Variants in PPP1R16A observed in about 807,000 individuals in gnomAD.
The protein encoded by PPP1R16A is protein phosphatase 1 regulatory subunit 16A, also known as myosin phosphatase-targeting subunit 3.
In PPP1R16A, 39 loss-of-function variants were observed where a neutral mutation model predicts 46.6. The ratio of observed to expected loss-of-function variants is 0.84; its 90% CI spans 0.65 to 1.09. PPP1R16A has a LOEUF of 1.09. PPP1R16A is among the 50% of genes least tolerant of loss of function. PPP1R16A has a pLI of 0.00. For synonymous variants in PPP1R16A, 413 were observed against 321.5 expected (o/e 1.28, Z -3.04); for missense variants, 798 against 735.6 (o/e 1.08, Z -0.98).
chr8:144,485,945 C>T (rs574071443), intron 1 of PPP1R16A, among the ~76,000 whole-genome samples: 11 of 152,212 alleles, frequency 7.2e-5, no homozygotes, highest in South Asian at 2.1e-4. Flanking sequence ...AGGGTGTGGG[C>T]GTTGAGGTCG....
rs373097107 is a variant in PPP1R16A, at chr8:144,501,778, G to A, written c.1462G>A (p.Gly488Ser). ...SPETAEPGLP[G>S]DTVTPQPDCG... ...TGAGACAGCTGAGCCTGGCCTGCCTGGTGACACGGTGACCCCCCAGCCTGA... is the reference window on the plus strand; with the variant it reads ...TGAGACAGCTGAGCCTGGCCTGCCTAGTGACACGGTGACCCCCCAGCCTGA... The change falls in exon 12 of 12, where the codon GGT becomes AGT. Residue 488 changes from glycine (G) to serine (S), a missense_variant. Gly to Ser is a moderately conservative substitution (Grantham distance 56). Coordinates refer to ENST00000435887, the MANE Select transcript of PPP1R16A (RefSeq NM_001329443.2). 3.8e-6 allele frequency: 6 copies of A among 1,561,090 alleles called. No individual in the cohort carries two copies. Among genetic ancestry groups the A allele is most frequent in the Middle Eastern group, 1.7e-4 (1 of 5,774 alleles).
chr8:144,500,391 G>A lies in PPP1R16A; in HGVS notation c.705G>A (p.Leu235=), dbSNP rs1251117214. The A allele has an allele frequency of 1.2e-5, 18 of 1,525,794 alleles. No homozygotes were observed. Among genetic ancestry groups the A allele is most frequent in the Non-Finnish European group, 1.5e-5 (17 of 1,141,758 alleles). The allele number at this position is 1,525,794 out of a possible 1,614,324, so 94.5% of individuals were successfully genotyped here. A position where few individuals can be genotyped will look rare whatever the true frequency, so the allele number is the denominator to read the frequency against. Residue 235 remains leucine (L), a splice_region_variant and synonymous_variant, in exon 7 of 12, where the codon CTG becomes CTA. Transcript: ENST00000435887. ...CCCCCCTGGACCACGGGGCCACGCT[G>A]GTGAGGGCTGGGGGGTGAGGGGCAC... ...LHAPLDHGAT[L]LHVAAANGFS...
Position 144,501,638 on chromosome 8 carries a change from G to GCACCAC in PPP1R16A, c.1324_1329dup (p.Thr442_Thr443dup). On this transcript the variant is annotated inframe_insertion, in exon 12 of 12. Coordinates refer to ENST00000435887, the MANE Select transcript of PPP1R16A (RefSeq NM_001329443.2). ...TCCTACCAGCTGAGCCCCCTGGACA[G>GCACCAC]CACCACCCCCCACACCCTGGTCCAC... is the stretch of plus-strand genomic sequence containing the variant. 6.2e-7 allele frequency: 1 copy of GCACCAC among 1,611,076 alleles called. No individual in the cohort carries two copies.
chr8:144,499,921 C>T, intron 5 of PPP1R16A, 175 bp from the exon 6 acceptor site: 1 of 623,056 alleles, frequency 1.6e-6, no homozygotes, highest in Non-Finnish European at 2.8e-6. Context: ...GGCTTAATGA[C>T]AGGATCTAGG....
chr8:144,485,170 C>T lies in PPP1R16A; in HGVS notation c.-913-4864C>T, dbSNP rs1475395037. On this transcript the variant is annotated intron_variant, in intron 1 of 11. Transcript: ENST00000435887. ...TAGTGAGGAGGACATGTGGGACAGG[C>T]TCAAGGATTGACAAAAGAACCAGTA... is the stretch of plus-strand genomic sequence containing the variant. Among the ~76,000 whole-genome samples the T allele has an allele frequency of 4.8e-5, 6 of 124,342 alleles. No homozygotes were observed. The East Asian group carries it at 1.5e-3, about 31-fold the overall frequency. 81.6% of individuals were successfully genotyped at this position (124,342 alleles called of 152,430 possible). A position where few individuals can be genotyped will look rare whatever the true frequency, so the allele number is the denominator to read the frequency against.
intron 2 of PPP1R16A, 86 bp from the exon 3 acceptor site, chr8:144,496,375 C>T (rs1826067671): frequency 6.5e-6 from 1 of 152,726 alleles, no homozygotes; most frequent in Admixed American, 6.5e-5. Context: ...GAAGCCTGGT[C>T]TCACCTGAGG....
intron 1 of PPP1R16A, among the ~76,000 whole-genome samples, chr8:144,483,211 G>A (rs1825507700): frequency 6.6e-6 from 1 of 152,194 alleles, no homozygotes; most frequent in Non-Finnish European, 1.5e-5. Context: ...TACAGAACCA[G>A]GCAGTGTGTG....
chr8:144,495,035 T>C (rs1825990422), intron 2 of PPP1R16A, among the ~76,000 whole-genome samples: 3 of 152,296 alleles, frequency 2.0e-5, no homozygotes, highest in Middle Eastern at 3.4e-3. Context: ...TGGCCAGGCT[T>C]AGGAGCAGGC....
At chr8:144,488,125 A>G (rs953900628) in intron 1 of PPP1R16A, among the ~76,000 whole-genome samples, 20 of 152,186 alleles carry the variant, frequency 1.3e-4, no homozygotes, top group Middle Eastern at 3.4e-3. Context: ...CTGTCTTTCC[A>G]GGGAATTTGC....
chr8:144,500,713 C>T lies in PPP1R16A; in HGVS notation c.859C>T (p.His287Tyr), dbSNP rs1164426459. 6.2e-7 allele frequency: 1 copy of T among 1,611,576 alleles called. No individual in the cohort carries two copies. Among genetic ancestry groups the T allele is most frequent in the African/African-American group, 1.3e-5 (1 of 74,908 alleles). Residue 287 changes from histidine to tyrosine, a missense_variant, in exon 9 of 12, where the codon CAC becomes TAC. By Grantham distance (83) the His-to-Tyr change is moderately conservative. Coordinates refer to ENST00000435887, the MANE Select transcript of PPP1R16A (RefSeq NM_001329443.2). ...QVPLVELLVA[H>Y]GADLNAKSLM... ...GCCCCTGGTGGAGCTGCTCGTGGCG[C>T]ACGGGGCCGACCTGAACGCAAAGTC...
intron 2 of PPP1R16A, among the ~76,000 whole-genome samples, chr8:144,494,589 G>A (rs1485647078): frequency 6.6e-6 from 1 of 152,194 alleles, no homozygotes; most frequent in African/African-American, 2.4e-5. Flanking sequence ...ATGAGCCACT[G>A]TTCCCTGACG....
At position 144,501,291 on chromosome 8, in the gene PPP1R16A, G is replaced by A. The variant is rs1034341557; in HGVS notation, c.1200G>A (p.Pro400=). The A allele has an allele frequency of 8.9e-6, 14 of 1,580,382 alleles. No homozygotes were observed. The highest frequency in any genetic ancestry group is 1.2e-5 in the Non-Finnish European group (14 of 1,168,860). Residue 400 remains proline (P), a synonymous_variant, in exon 11 of 12, where the codon CCG becomes CCA. Coordinates refer to ENST00000435887, the MANE Select transcript of PPP1R16A (RefSeq NM_001329443.2). The part of the protein sequence containing the change: ...QTGAELRPPP[P]EEDNPEVVRP... Reference sequence around the variant, plus strand: ...GCGCAGAGCTCAGGCCGCCGCCCCCGGAGGTGAGCGCCCCGTCCCTGCTCC... The same window carrying A: ...GCGCAGAGCTCAGGCCGCCGCCCCCAGAGGTGAGCGCCCCGTCCCTGCTCC...
Position 144,502,075 on chromosome 8 carries a change from A to T in PPP1R16A, c.*172A>T. On this transcript the variant is annotated 3_prime_UTR_variant, in exon 12 of 12. Transcript: ENST00000435887. ...CCTGGAGGGATGTCTGGCTGCAAAG[A>T]CTATTTTTATCCTGCAACTCTTGAT... The T allele has an allele frequency of 1.6e-6, 1 of 618,952 alleles. No individual in the cohort carries two copies. Among genetic ancestry groups the T allele is most frequent in the South Asian group, 2.7e-5 (1 of 37,296 alleles). 38.3% of individuals were successfully genotyped at this position (618,952 alleles called of 1,614,324 possible).
chr8:144,501,548 A>G lies in PPP1R16A; in HGVS notation c.1232A>G (p.His411Arg). Reference protein sequence around the residue: ...EEDNPEVVRPHNGRVGGSPVR... With the variant: ...EEDNPEVVRPRNGRVGGSPVR... ...GACAACCCCGAAGTGGTCAGGCCGCACAATGGCCGAGTAGGGGGCTCCCCA... is the reference window on the plus strand; with the variant it reads ...GACAACCCCGAAGTGGTCAGGCCGCGCAATGGCCGAGTAGGGGGCTCCCCA... Residue 411 changes from histidine to arginine, a missense_variant, in exon 12 of 12, where the codon CAC becomes CGC. Transcript: ENST00000435887. 6.3e-7 allele frequency: 1 copy of G among 1,583,996 alleles called. No individual in the cohort carries two copies. Among genetic ancestry groups the G allele is most frequent in the Non-Finnish European group, 8.6e-7 (1 of 1,165,648 alleles).
At chr8:144,496,273 G>C (rs1461131545) in intron 2 of PPP1R16A, 188 bp from the exon 3 acceptor site, 1 of 152,346 alleles carries the variant, frequency 6.6e-6, no homozygotes, top group Non-Finnish European at 1.5e-5. Context: ...AATGGGGGCA[G>C]AGTAGCTCCC....
chr8:144,485,602 C>T (rs537543475), intron 1 of PPP1R16A, among the ~76,000 whole-genome samples: 62 of 152,200 alleles, frequency 4.1e-4, no homozygotes, highest in Non-Finnish European at 9.0e-4. Flanking sequence ...TGTAGACTTC[C>T]CGGGTACCCA....
At chr8:144,483,613 T>G (rs572125786) in intron 1 of PPP1R16A, among the ~76,000 whole-genome samples, 5 of 151,958 alleles carry the variant, frequency 3.3e-5, no homozygotes, top group Admixed American at 2.6e-4. Context: ...ACCCTGTTGG[T>G]CAGGCTGGTC....
intron 2 of PPP1R16A, chr8:144,495,500 ATCTTGGCT>A (rs2130426333): frequency 6.6e-6 from 1 of 152,184 alleles, no homozygotes; most frequent in African/African-American, 2.4e-5. Context: ...CAGTGGCGTG[ATCTTGGCT>A]CATTGCAAGC....
chr8:144,484,331 A>G (rs1487390426), intron 1 of PPP1R16A, among the ~76,000 whole-genome samples: 1 of 152,244 alleles, frequency 6.6e-6, no homozygotes. Context: ...CTTAGTTGCC[A>G]CATCTACTCC....
Sources: allele counts gnomAD v4.1 joint callset (sites outside exome capture counted in the v4.1 genomes callset), GRCh38; gene constraint gnomAD v4.1.1; transcripts MANE v1.5; gene names NCBI Gene and HGNC (gene_info 2026-07-23, HGNC 2026-07-21).